The following CLDN14 variants were observed in gnomAD, a reference collection of about 807,000 sequenced individuals.
The protein encoded by CLDN14 is claudin-14.
Under a neutral mutation model 2.1 loss-of-function variants are expected in CLDN14, and 2 were observed. That is an observed-to-expected ratio of 0.96 (90% CI 0.39 to 3.01). The LOEUF (loss-of-function observed/expected upper bound fraction) is 3.01, where lower values mean the gene tolerates loss of function less well. Ranked by LOEUF, CLDN14 falls within the 30% of genes most tolerant of loss-of-function variation. The pLI is 0.09. For synonymous variants in CLDN14, 136 were observed against 154.4 expected (o/e 0.88, Z 0.88); for missense variants, 298 against 328.0 (o/e 0.91, Z 0.71).
intron 1 of CLDN14, among the ~76,000 whole-genome samples, chr21:36,466,943 A>G (rs923829069): frequency 1.3e-5 from 2 of 152,202 alleles, no homozygotes; most frequent in African/African-American, 4.8e-5. Flanking sequence ...GCCCCATGCA[A>G]GTTCGAAATC....
intron 1 of CLDN14, among the ~76,000 whole-genome samples, chr21:36,518,669 G>A (rs941388548): frequency 3.4e-5 from 5 of 148,484 alleles, no homozygotes; most frequent in East Asian, 4.0e-4. Context: ...TTCAATAAAT[G>A]TGGTGTTTAA....
chr21:36,508,130 G>C (rs115503911), intron 2 of CLDN14, among the ~76,000 whole-genome samples: 127 of 152,274 alleles, frequency 8.3e-4, no homozygotes, highest in African/African-American at 2.9e-3. Flanking sequence ...AGTATTCTCA[G>C]TGCTGTCCTG....
At chr21:36,554,762 G>A (rs1231273088) in intron 1 of CLDN14, among the ~76,000 whole-genome samples, 1 of 152,146 alleles carries the variant, frequency 6.6e-6, no homozygotes, top group Non-Finnish European at 1.5e-5. Flanking sequence ...CCTGAGGGCA[G>A]AGGAGGATGC....
intron 1 of CLDN14, among the ~76,000 whole-genome samples, chr21:36,467,929 C>T (rs2086666777): frequency 6.6e-6 from 1 of 152,152 alleles, no homozygotes. Flanking sequence ...TTTCTTTACC[C>T]AGAACTGCCC....
upstream of CLDN14, among the ~76,000 whole-genome samples, chr21:36,482,126 T>G (rs2086850354): frequency 6.6e-6 from 1 of 152,170 alleles, no homozygotes; most frequent in South Asian, 2.1e-4. Flanking sequence ...TGGCTCAACA[T>G]TTTGTCCCTC....
At chr21:36,560,061 G>A (rs2087623247) in intron 1 of CLDN14, among the ~76,000 whole-genome samples, 1 of 152,186 alleles carries the variant, frequency 6.6e-6, no homozygotes, top group Non-Finnish European at 1.5e-5. Context: ...TGTACATAGT[G>A]TAGCAAATTT....
At chr21:36,518,075 TACACACAC>T (rs3030072) in intron 1 of CLDN14, among the ~76,000 whole-genome samples, 62,663 of 148,282 alleles carry the variant, frequency 0.42, 14,446 homozygotes, top group Non-Finnish European at 0.54. Flanking sequence ...CTTACATACG[TACACACAC>T]ACACACACAC....
intron 2 of CLDN14, among the ~76,000 whole-genome samples, chr21:36,489,131 A>AAAAATATATATATATATATATAT: frequency 2.2e-4 from 14 of 62,732 alleles, no homozygotes; most frequent in African/African-American, 8.2e-4. Flanking sequence ...AAAAAAAAAA[A>AAAAATATATATATATATATATAT]ATATATATAT....
chr21:36,487,003 G>GCC (rs2086905136), intron 2 of CLDN14: 2 of 265,002 alleles, frequency 7.5e-6, no homozygotes, highest in African/African-American at 3.0e-5. Flanking sequence ...TTTTTTTTTT[G>GCC]AGACTGAGTC....
At chr21:36,495,976 G>A (rs1446137297) in intron 2 of CLDN14, among the ~76,000 whole-genome samples, 1 of 152,208 alleles carries the variant, frequency 6.6e-6, no homozygotes, top group East Asian at 1.9e-4. Context: ...GGGCAAGGAA[G>A]CCTTCTTTTC....
chr21:36,492,538 A>G (rs1169052550), intron 2 of CLDN14, among the ~76,000 whole-genome samples: 1 of 147,116 alleles, frequency 6.8e-6, no homozygotes, highest in Non-Finnish European at 1.5e-5. Context: ...CTGAGGTGGG[A>G]GGATCTCTTG....
Position 36,498,277 on chromosome 21 carries a change from A to G in CLDN14, c.-82+12086T>C, listed in dbSNP as rs2087057748. Among the ~76,000 whole-genome samples, 1 of 152,212 alleles carries G rather than the reference A, an allele frequency of 6.6e-6. No homozygotes were observed. Among genetic ancestry groups the G allele is most frequent in the African/African-American group, 2.4e-5 (1 of 41,464 alleles). On this transcript the variant is annotated intron_variant, in intron 2 of 2. Coordinates refer to the CLDN14 transcript ENST00000342108. This position sits in a 1 kb window ranked among gnomAD's most constrained non-coding sequence, Gnocchi z 4.9. ...TGGCCTCCCAAAGTGCTGGGATTAT[A>G]GACATGAGCCACTGCGCCCAGACAG... is the stretch of plus-strand genomic sequence containing the variant.
chr21:36,519,178 T>C (rs2087250390), intron 1 of CLDN14, among the ~76,000 whole-genome samples: 1 of 152,228 alleles, frequency 6.6e-6, no homozygotes, highest in African/African-American at 2.4e-5. Context: ...TGTTTAAGAC[T>C]CTTGTCTTTT....
Position 36,461,634 on chromosome 21 carries a change from G to A in CLDN14, c.62C>T (p.Thr21Met), listed in dbSNP as rs532176130. Reference sequence around the variant, plus strand: ...GTGCGGCAGGATGGTGGTGATCAACGTGCCCACCATGCCCAGGAAGCTGAG... The same window carrying A: ...GTGCGGCAGGATGGTGGTGATCAACATGCCCACCATGCCCAGGAAGCTGAG... ...FLLSFLGMVG[T>M]LITTILPHWR... The change falls in exon 2 of 2, where the codon ACG (threonine) becomes ATG (methionine). Residue 21 changes from threonine to methionine, a missense_variant. Transcript: ENST00000399135. 1.1e-5 allele frequency: 17 copies of A among 1,584,990 alleles called. No homozygotes were observed. Among genetic ancestry groups the A allele is most frequent in the Middle Eastern group, 3.3e-4 (2 of 6,010 alleles).
chr21:36,484,638 C>T (rs2086877004), upstream of CLDN14, among the ~76,000 whole-genome samples: 1 of 152,172 alleles, frequency 6.6e-6, no homozygotes, highest in South Asian at 2.1e-4. Context: ...GGTCTTCCTG[C>T]ATGTCTCTCC....
intron 2 of CLDN14, chr21:36,486,235 G>C (rs779212502): frequency 1.2e-6 from 1 of 866,746 alleles, no homozygotes; most frequent in Admixed American, 1.7e-5. Context: ...CTCCTGCAGG[G>C]ACATCTTCAT....
chr21:36,560,490 G>T (rs2087626559), intron 1 of CLDN14, among the ~76,000 whole-genome samples: 1 of 152,156 alleles, frequency 6.6e-6, no homozygotes, highest in Non-Finnish European at 1.5e-5. Context: ...AAATATCTGA[G>T]ATAAGTGCAT....
chr21:36,492,131 C>CTT (rs1352515187), intron 2 of CLDN14, among the ~76,000 whole-genome samples: 2 of 150,938 alleles, frequency 1.3e-5, no homozygotes, highest in African/African-American at 2.4e-5. Context: ...TGGCGAAACT[C>CTT]TGTCTCTAAA....
chr21:36,560,903 T>C (rs919307033), intron 1 of CLDN14, among the ~76,000 whole-genome samples: 1 of 152,236 alleles, frequency 6.6e-6, no homozygotes, highest in African/African-American at 2.4e-5. Context: ...GAAATTCTTT[T>C]TTGTTGTTGT....
Sources: gnomAD v4.1 joint callset for allele counts (sites outside exome capture counted in the v4.1 genomes callset) on GRCh38, gnomAD v4.1.1 for gene constraint, Gnocchi (gnomAD v3.1) non-coding constraint, MANE v1.5 for transcripts, NCBI Gene and HGNC (gene_info 2026-07-23, HGNC 2026-07-21) for gene names.